ANKRD31: variants seen among roughly 807,000 people sequenced by gnomAD.
ANKRD31 encodes ankyrin repeat domain 31, also known as ankyrin repeat domain-containing protein 31.
In ANKRD31, 147 loss-of-function variants were observed where a neutral mutation model predicts 186.0. The ratio of observed to expected loss-of-function variants is 0.79; its 90% confidence interval spans 0.69 to 0.91. The LOEUF is 0.91. ANKRD31 is among the 40% of genes least tolerant of loss of function. The pLI, the probability that ANKRD31 is intolerant of heterozygous loss-of-function variation, is 0.00. For synonymous variants in ANKRD31, 673 were observed against 736.4 expected (o/e 0.91, Z 1.39); for missense variants, 1,986 against 2,148.8 (o/e 0.92, Z 1.50).
At chr5:75,135,682 G>A (rs1750512781) in intron 17 of ANKRD31, among the ~76,000 whole-genome samples, 1 of 152,022 alleles carries the variant, frequency 6.6e-6, no homozygotes, top group Non-Finnish European at 1.5e-5. Flanking sequence ...AGTTCATATG[G>A]AACCAAAAAA....
At chr5:75,140,489 A>G (rs2150134603) in intron 15 of ANKRD31, among the ~76,000 whole-genome samples, 1 of 152,268 alleles carries the variant, frequency 6.6e-6, no homozygotes, top group East Asian at 1.9e-4. Context: ...TCCACTCCAA[A>G]CTTACTTTGG....
In ANKRD31 at chr5:75,104,348, A is replaced by G. The variant is rs1747151959; in HGVS notation, c.5211T>C (p.Asp1737=). 6.5e-7 allele frequency: 1 copy of G among 1,537,020 alleles called. No individual in the cohort carries two copies. Among genetic ancestry groups the G allele is most frequent in the African/African-American group, 1.4e-5 (1 of 73,030 alleles). The change falls in exon 22 of 26, where the codon GAT becomes GAC. Residue 1737 remains aspartate, a synonymous_variant. Coordinates refer to ENST00000506364, the MANE Select transcript of ANKRD31 (RefSeq NM_001372053.1). ...ISSSSGSGQQ[D]TIKKALNYST... is the part of the protein sequence containing the mutation. ...TGTAGTTTAAAGCCTTTTTTATTGT[A>G]TCTTGTTGCCCAGATCCAGAGGAAG...
Position 75,224,113 on chromosome 5 carries a change from G to C in ANKRD31, c.179-1755C>G, listed in dbSNP as rs186724758. ...ATCACACAACACAGGAAAAGGAAGA[G>C]ATCTCTCAGAAATAATTATATATAT... On this transcript the variant is annotated intron_variant, in intron 2 of 25. Transcript: ENST00000506364. 3.0e-3 allele frequency among the ~76,000 whole-genome samples: 367 copies of C among 121,458 alleles called. 2 individuals are homozygous for C. The highest frequency in any genetic ancestry group is 4.3e-3 in the Non-Finnish European group (253 of 58,186). The allele number at this position is 121,458 out of a possible 152,430, so 79.7% of individuals were successfully genotyped here.
At position 75,154,184 on chromosome 5, in the gene ANKRD31, G is replaced by A. The variant is rs545269203; in HGVS notation, c.1852+17C>T. The A allele has an allele frequency of 8.3e-4, 1,212 of 1,469,050 alleles. 22 individuals are homozygous for A. In the South Asian group the frequency reaches 0.017, roughly 20 times the overall value. 91.0% of individuals were successfully genotyped at this position (1,469,050 alleles called of 1,614,324 possible). On this transcript the variant is annotated intron_variant, in intron 12 of 25. Coordinates refer to ENST00000506364, the MANE Select transcript of ANKRD31 (RefSeq NM_001372053.1). ...ACTGATGTGACAAATAGCTATTACA[G>A]GGCAGTTTAATCTTACCTGATGTAA... is the stretch of plus-strand genomic sequence containing the variant.
chr5:75,102,588 A>G (rs940006735), intron 22 of ANKRD31, among the ~76,000 whole-genome samples: 3 of 152,142 alleles, frequency 2.0e-5, no homozygotes, highest in African/African-American at 7.2e-5. Flanking sequence ...ACCCAGTTCG[A>G]GCTTCCCGTC....
intron 5 of ANKRD31, 24 bp downstream of exon 5, chr5:75,206,387 T>C (rs1338072518): frequency 1.6e-5 from 22 of 1,379,340 alleles, no homozygotes; most frequent in African/African-American, 3.0e-5. Flanking sequence ...ATTTCCTTTA[T>C]ATGACTCTAC....
intron 4 of ANKRD31, among the ~76,000 whole-genome samples, chr5:75,208,143 T>C (rs778687656): frequency 2.6e-5 from 4 of 152,202 alleles, no homozygotes; most frequent in Non-Finnish European, 5.9e-5. Flanking sequence ...TAATGAAAGA[T>C]GACTATCATC....
At chr5:75,234,171 T>A (rs897273406) in intron 1 of ANKRD31, among the ~76,000 whole-genome samples, 6 of 152,234 alleles carry the variant, frequency 3.9e-5, no homozygotes, top group Admixed American at 6.5e-5. Flanking sequence ...TGTAAACTTG[T>A]ACAAATTGAT....
In ANKRD31 at chr5:75,107,630, C is replaced by T; in HGVS notation, c.4244-13G>A. On this transcript the variant is annotated splice_polypyrimidine_tract_variant and intron_variant, in intron 20 of 25. Coordinates refer to ENST00000506364, the MANE Select transcript of ANKRD31 (RefSeq NM_001372053.1). ...TCAATGTATTGTTCTAGAAACATGA[C>T]AATAAAAAGTTAGCTAACTGAGGGA... 6.8e-7 allele frequency: 1 copy of T among 1,465,306 alleles called. No homozygotes were observed. The highest frequency in any genetic ancestry group is 9.1e-7 in the Non-Finnish European group (1 of 1,100,834). 90.8% of individuals were successfully genotyped at this position (1,465,306 alleles called of 1,614,324 possible).
chr5:75,184,553 AAATAAT>A, intron 10 of ANKRD31, among the ~76,000 whole-genome samples: 1 of 151,998 alleles, frequency 6.6e-6, no homozygotes, highest in South Asian at 2.1e-4. Flanking sequence ...AATAGCCAAA[AAATAAT>A]AATAATAATA....
chr5:75,220,648 A>C (rs1412988269), intron 3 of ANKRD31, among the ~76,000 whole-genome samples: 4 of 152,080 alleles, frequency 2.6e-5, no homozygotes, highest in African/African-American at 9.7e-5. Context: ...GTCTCAAAAA[A>C]AAAAAAAAGT....
intron 10 of ANKRD31, among the ~76,000 whole-genome samples, chr5:75,176,833 C>T (rs1473059080): frequency 6.6e-6 from 1 of 152,184 alleles, no homozygotes; most frequent in East Asian, 1.9e-4. Context: ...TGCCTCTCCT[C>T]CTCTAAAGGA....
At chr5:75,102,555 C>T (rs1457950151) in intron 22 of ANKRD31, among the ~76,000 whole-genome samples, 2 of 152,234 alleles carry the variant, frequency 1.3e-5, no homozygotes, top group Admixed American at 6.5e-5. Context: ...GCATGAAGGC[C>T]TCCTTGAGCT....
At chr5:75,166,257 G>T (rs906283821) in intron 11 of ANKRD31, among the ~76,000 whole-genome samples, 1 of 152,078 alleles carries the variant, frequency 6.6e-6, no homozygotes, top group Non-Finnish European at 1.5e-5. Flanking sequence ...ATCACTTGAG[G>T]CCAGGAGCTC....
At chr5:75,142,180 A>C (rs1751100823) in intron 15 of ANKRD31, among the ~76,000 whole-genome samples, 1 of 152,064 alleles carries the variant, frequency 6.6e-6, no homozygotes, top group Non-Finnish European at 1.5e-5. Context: ...CTGTTCTAAA[A>C]TTTCAGTGAG....
chr5:75,138,690 T>C (rs980042015), intron 16 of ANKRD31, among the ~76,000 whole-genome samples, 156 bp downstream of exon 16: 1 of 152,202 alleles, frequency 6.6e-6, no homozygotes, highest in African/African-American at 2.4e-5. Flanking sequence ...TGATAAATCT[T>C]AGTATTCAAC....
At chr5:75,162,170 G>A (rs1752612148) in intron 11 of ANKRD31, among the ~76,000 whole-genome samples, 1 of 152,176 alleles carries the variant, frequency 6.6e-6, no homozygotes, top group Admixed American at 6.5e-5. Flanking sequence ...CTCAACACCA[G>A]CCCATGAAGG....
In ANKRD31 at chr5:75,193,230, T is replaced by C. The variant is rs935507909; in HGVS notation, c.1298+81A>G. On this transcript the variant is annotated intron_variant, in intron 8 of 25. Transcript: ENST00000506364. ...TCTTTCCCCTGTGTTAACTGTATAC[T>C]GACCCTGATGTCCCCAAGCATATAA... is the stretch of plus-strand genomic sequence containing the variant. The C allele has an allele frequency of 2.1e-6, 3 of 1,407,080 alleles. No homozygotes were observed. The African/African-American group carries it at 4.3e-5, about 20-fold the overall frequency. 87.2% of individuals were successfully genotyped at this position (1,407,080 alleles called of 1,614,324 possible). A position where few individuals can be genotyped will look rare whatever the true frequency, so the allele number is the denominator to read the frequency against.
chr5:75,226,527 T>C (rs749843517), intron 2 of ANKRD31, among the ~76,000 whole-genome samples: 1 of 152,116 alleles, frequency 6.6e-6, no homozygotes, highest in Non-Finnish European at 1.5e-5. Flanking sequence ...TGACAAGGAA[T>C]TAATAGCCAG....
Sources: gnomAD v4.1 joint callset for allele counts (sites outside exome capture counted in the v4.1 genomes callset) on GRCh38, gnomAD v4.1.1 for gene constraint, MANE v1.5 for transcripts, NCBI Gene and HGNC (gene_info 2026-07-23, HGNC 2026-07-21) for gene names.